The following VMP1 variants were observed in gnomAD, a reference collection of about 807,000 sequenced individuals.
VMP1 encodes ectopic P-granules autophagy protein 3 homolog.
VMP1 carries 11 observed loss-of-function variants against 56.0 expected under a neutral mutation model. The ratio of observed to expected loss-of-function variants is 0.20; its 90% CI spans 0.12 to 0.32. The LOEUF (loss-of-function observed/expected upper bound fraction) is 0.32, where lower values mean the gene tolerates loss of function less well. Ranked by LOEUF, VMP1 falls within the 10% of genes least tolerant of loss-of-function variation. The pLI is 1.00. For missense variants in VMP1, 296 were observed against 490.3 expected (o/e 0.60, Z 3.74); for synonymous variants, 149 against 165.0 (o/e 0.90, Z 0.74).
At chr17:59,750,954 A>G (rs1491000519) in intron 5 of VMP1, among the ~76,000 whole-genome samples, 1 of 109,168 alleles carries the variant, frequency 9.2e-6, no homozygotes, top group African/African-American at 3.8e-5. Flanking sequence ...TTTTTTGGAG[A>G]CAGAGTCTAG....
At position 59,833,547 on chromosome 17, in the gene VMP1, GT is replaced by G. The variant is rs1374572659; in HGVS notation, c.975-4744del. Among the ~76,000 whole-genome samples, 9 of 152,166 alleles carry G rather than the reference GT, an allele frequency of 5.9e-5. No homozygotes were observed. The East Asian group carries it at 1.2e-3, about 20-fold the overall frequency. ...AAATAAAACTTTTAACCTCTTGTCT[GT>G]TTTCAACTGTTTTCCTAGTCTTTCA... On this transcript the variant is annotated intron_variant, in intron 10 of 11. Transcript: ENST00000262291.
intron 5 of VMP1, among the ~76,000 whole-genome samples, chr17:59,751,627 C>G (rs1281966993): frequency 7.0e-6 from 1 of 141,994 alleles, no homozygotes; most frequent in Non-Finnish European, 1.5e-5. Flanking sequence ...GCCTGTAATC[C>G]CAGCTACTTG....
intron 1 of VMP1, among the ~76,000 whole-genome samples, chr17:59,714,540 A>T (rs1023786994): frequency 1.3e-5 from 2 of 152,158 alleles, no homozygotes; most frequent in Non-Finnish European, 1.5e-5. Flanking sequence ...AAAAGTGGTT[A>T]CATCTAGCAG....
chr17:59,825,227 C>T (rs559954023), intron 10 of VMP1, among the ~76,000 whole-genome samples: 1 of 151,568 alleles, frequency 6.6e-6, no homozygotes, highest in South Asian at 2.1e-4. Context: ...GCACCTGCCA[C>T]CATGCCTGGC....
At position 59,771,629 on chromosome 17, in the gene VMP1, A is replaced by T. The variant is rs2036429681; in HGVS notation, c.583-2125A>T. 5.4e-5 allele frequency among the ~76,000 whole-genome samples: 7 copies of T among 130,652 alleles called. No homozygotes were observed. The Admixed American group carries it at 5.8e-4, about 11-fold the overall frequency. 85.7% of individuals were successfully genotyped at this position (130,652 alleles called of 152,430 possible). On this transcript the variant is annotated intron_variant, in intron 6 of 11. Coordinates refer to ENST00000262291, the MANE Select transcript of VMP1 (RefSeq NM_030938.5). ...TGGTTTTTTTTTTTTTTTTTTTGAG[A>T]CAGAGTCTCACCTGTCACCCAAGCT...
At chr17:59,825,511 C>T (rs1232180296) in intron 10 of VMP1, among the ~76,000 whole-genome samples, 1 of 152,160 alleles carries the variant, frequency 6.6e-6, no homozygotes, top group Non-Finnish European at 1.5e-5. Context: ...GACATGTTCC[C>T]ATATTCTCAC....
intron 10 of VMP1, among the ~76,000 whole-genome samples, chr17:59,829,714 CTTG>C (rs1406202788): frequency 6.6e-6 from 1 of 152,134 alleles, no homozygotes; most frequent in Non-Finnish European, 1.5e-5. Flanking sequence ...GCTAGGCTGT[CTTG>C]TTGCTGATCT....
At chr17:59,838,149 C>A in intron 10 of VMP1, 146 bp from the exon 11 acceptor site, 4 of 323,176 alleles carry the variant, frequency 1.2e-5, no homozygotes, top group Non-Finnish European at 2.3e-5. Flanking sequence ...AGAATTTCAG[C>A]AGTTCTCTGA....
In VMP1 at chr17:59,789,485, A is replaced by G. The variant is rs367793423; in HGVS notation, c.714+15600A>G. Among the ~76,000 whole-genome samples the G allele has an allele frequency of 1.1e-4, 17 of 152,214 alleles. No individual in the cohort carries two copies. The South Asian group carries it at 3.5e-3, about 32-fold the overall frequency. ...GGAAGGCGGAGGTTGCAGTGAGCCA[A>G]AATCGCTCCACTGCACTCCAGCGTG... On this transcript the variant is annotated intron_variant, in intron 7 of 11. Coordinates refer to ENST00000262291, the MANE Select transcript of VMP1 (RefSeq NM_030938.5).
chr17:59,841,247 C>T lies in VMP1; in HGVS notation c.*1336C>T, dbSNP rs781007656. 6.0e-6 allele frequency: 3 copies of T among 496,136 alleles called. No homozygotes were observed. The highest frequency in any genetic ancestry group is 2.9e-5 in the South Asian group (2 of 68,398). The allele number at this position is 496,136 out of a possible 1,614,324, so 30.7% of individuals were successfully genotyped here. On this transcript the variant is annotated 3_prime_UTR_variant, in exon 12 of 12. Coordinates refer to ENST00000262291, the MANE Select transcript of VMP1 (RefSeq NM_030938.5). ...CTTGTTTTGCCTACCATCGTGACAT[C>T]TCCATGGCTGTACCACCTTGTCGGG...
At chr17:59,819,990 G>C (rs144021846) in intron 10 of VMP1, among the ~76,000 whole-genome samples, 1 of 152,202 alleles carries the variant, frequency 6.6e-6, no homozygotes, top group South Asian at 2.1e-4. Flanking sequence ...TTCATCTACC[G>C]ATATATCCAG....
At chr17:59,722,936 T>C (rs2034457062) in intron 1 of VMP1, among the ~76,000 whole-genome samples, 1 of 152,192 alleles carries the variant, frequency 6.6e-6, no homozygotes. Flanking sequence ...AGCTCTTACA[T>C]TACCTCACTT....
At chr17:59,753,375 A>G (rs2035724964) in intron 5 of VMP1, among the ~76,000 whole-genome samples, 1 of 152,220 alleles carries the variant, frequency 6.6e-6, no homozygotes, top group African/African-American at 2.4e-5. Context: ...AATATGATTC[A>G]TAATTCTGTA....
At chr17:59,778,596 A>G (rs547675325) in intron 7 of VMP1, among the ~76,000 whole-genome samples, 2 of 152,010 alleles carry the variant, frequency 1.3e-5, no homozygotes, top group South Asian at 4.2e-4. Flanking sequence ...CTATGTGCGT[A>G]CAGGCCAGGT....
chr17:59,801,158 T>TA lies in VMP1; in HGVS notation c.715-7637dup, dbSNP rs2037647802. Among the ~76,000 whole-genome samples the TA allele has an allele frequency of 6.3e-5, 9 of 143,530 alleles. No homozygotes were observed. The South Asian group carries it at 2.0e-3, about 33-fold the overall frequency. 94.2% of individuals were successfully genotyped at this position (143,530 alleles called of 152,430 possible). The stretch of plus-strand genomic sequence containing the variant: ...TGTGTGTGTGTGTGTGTATGGCACA[T>TA]ACAGTTATATATAGTACATAATACT... On this transcript the variant is annotated intron_variant, in intron 7 of 11. Transcript: ENST00000262291.
At position 59,737,469 on chromosome 17, in the gene VMP1, A is replaced by G; in HGVS notation, c.229A>G (p.Ser77Gly). 1 of 1,610,242 alleles carries G rather than the reference A, an allele frequency of 6.2e-7. No homozygotes were observed. Among genetic ancestry groups the G allele is most frequent in the South Asian group, 1.1e-5 (1 of 90,020 alleles). ...GTTTTTAAGATTATGGCATCGTCAA[A>G]GCATTGTGGTGTCTTTTTTACTGCT... is the stretch of plus-strand genomic sequence containing the variant. Reference protein sequence around the residue: ...EWTSKLWHRQSIVVSFLLLLA... With the variant: ...EWTSKLWHRQGIVVSFLLLLA... Residue 77 changes from serine (S) to glycine (G), a missense_variant, in exon 4 of 12, where the codon AGC becomes GGC. By Grantham distance (56) the Ser-to-Gly change is moderately conservative. This residue lies in a region of VMP1 where 126 missense variants were observed against 231.6 expected (regional missense o/e 0.54). Coordinates refer to ENST00000262291, the MANE Select transcript of VMP1 (RefSeq NM_030938.5).
chr17:59,771,606 G>GTT (rs1306304917), intron 6 of VMP1, among the ~76,000 whole-genome samples: 123 of 123,414 alleles, frequency 1.0e-3, no homozygotes, highest in Middle Eastern at 4.5e-3. Flanking sequence ...GGTTTTTTTG[G>GTT]TTTTTTTTTT....
intron 7 of VMP1, among the ~76,000 whole-genome samples, chr17:59,803,979 G>A (rs2037760246): frequency 6.6e-6 from 1 of 151,138 alleles, no homozygotes; most frequent in Non-Finnish European, 1.5e-5. Flanking sequence ...GCTTTTTGGT[G>A]GTGTTAGGTG....
rs59535247 is a variant in VMP1, at chr17:59,771,166, C to CTTT, written c.583-2578_583-2576dup. ...TATTAGTATCCCAGTTACATTACAC[C>CTTT]TTTTTTTTTTTTGAATTATTAACTG... is the stretch of plus-strand genomic sequence containing the variant. On this transcript the variant is annotated intron_variant, in intron 6 of 11. Transcript: ENST00000262291. Among the ~76,000 whole-genome samples, 8 of 146,368 alleles carry CTTT rather than the reference C, an allele frequency of 5.5e-5. No individual in the cohort carries two copies. In the East Asian group the frequency reaches 1.6e-3, roughly 29 times the overall value.
Sources: allele counts gnomAD v4.1 joint callset (sites outside exome capture counted in the v4.1 genomes callset), GRCh38; gene constraint gnomAD v4.1.1; regional missense constraint gnomAD v4.1.1; transcripts MANE v1.5; gene names NCBI Gene and HGNC (gene_info 2026-07-23, HGNC 2026-07-21).